FAM3A: variants seen among roughly 807,000 people sequenced by gnomAD.
FAM3A encodes FAM3 metabolism regulating signaling molecule A.
In FAM3A, 5 loss-of-function variants were observed where a neutral mutation model predicts 18.1. The observed-to-expected ratio is 0.28, with a 90% CI of 0.14 to 0.58. The LOEUF is 0.58. Ranked by LOEUF, FAM3A falls within the 20% of genes least tolerant of loss-of-function variation. The pLI is 0.91. For synonymous variants in FAM3A, 108 were observed against 90.2 expected, an observed-to-expected ratio of 1.20 and a Z score of -1.12; for missense variants, 154 against 216.6, an observed-to-expected ratio of 0.71 and a Z score of 1.81.
chrX:154,506,582 G>GGTCTTCTGAGGCTCTGTCTGCGCTCT lies in FAM3A; in HGVS notation c.*228_*229insAGAGCGCAGACAGAGCCTCAGAAGAC. The GGTCTTCTGAGGCTCTGTCTGCGCTCT allele has an allele frequency of 2.4e-6, 1 of 417,741 alleles. No individual in the cohort carries two copies. Among genetic ancestry groups the GGTCTTCTGAGGCTCTGTCTGCGCTCT allele is most frequent in the Admixed American group, 4.1e-5 (1 of 24,331 alleles). The allele number at this position is 417,741 out of a possible 1,213,427, so 34.4% of individuals were successfully genotyped here. A position where few individuals can be genotyped will look rare whatever the true frequency, so the allele number is the denominator to read the frequency against. On this transcript the variant is annotated 3_prime_UTR_variant, in exon 9 of 9. Transcript: ENST00000447601. ...GGAACAGTGTTACGAAAAGGAGGCGGGTACCCTGGGCTCCCGTGACAAAGT... is the reference window on the plus strand; with the variant it reads ...GGAACAGTGTTACGAAAAGGAGGCGGGTCTTCTGAGGCTCTGTCTGCGCTCTGTACCCTGGGCTCCCGTGACAAAGT...
At position 154,515,933 on chromosome X, in the gene FAM3A, G is replaced by A. The variant is rs1025299321; in HGVS notation, c.-161C>T. 5 of 517,325 alleles carry A rather than the reference G, an allele frequency of 9.7e-6. No individual in the cohort carries two copies. In the South Asian group the frequency reaches 1.2e-4, roughly 12 times the overall value. The allele number at this position is 517,325 out of a possible 1,213,427, so 42.6% of individuals were successfully genotyped here. On this transcript the variant is annotated 5_prime_UTR_variant, in exon 1 of 9. Transcript: ENST00000447601. ...ACCTGTTTGTCCAGCCGCCCGGCCA[G>A]GCAGGGCTCCTCGGAAACGCGCGGG...
Position 154,515,883 on chromosome X carries a change from G to T in FAM3A, c.-111C>A. On this transcript the variant is annotated 5_prime_UTR_variant, in exon 1 of 9. Coordinates refer to ENST00000447601, the MANE Select transcript of FAM3A (RefSeq NM_021806.4). ...GGCAAGCCTGTGCGGGACCCCTGCT[G>T]GGGGCGGGCGCGATCGGTGCTACGA... The T allele has an allele frequency of 1.2e-6, 1 of 825,305 alleles. No homozygotes were observed. Among genetic ancestry groups the T allele is most frequent in the East Asian group, 3.2e-5 (1 of 30,922 alleles). 68.0% of individuals were successfully genotyped at this position (825,305 alleles called of 1,213,427 possible).
chrX:154,507,610 G>C, intron 6 of FAM3A, 120 bp from the exon 7 acceptor site: 1 of 864,838 alleles, frequency 1.2e-6, no homozygotes, highest in Non-Finnish European at 1.6e-6. Flanking sequence ...GCCCCGCCAA[G>C]GGACAGGCTG....
rs782554954 is a variant in FAM3A at position 154,512,199 on chromosome X, T to C, written c.128-328A>G. The C allele has an allele frequency of 9.3e-4, 226 of 243,214 alleles. 2 individuals are homozygous for C. The highest frequency in any genetic ancestry group is 3.1e-3 in the Admixed American group (50 of 16,183). The allele number at this position is 243,214 out of a possible 1,213,427, so 20.0% of individuals were successfully genotyped here. A position where few individuals can be genotyped will look rare whatever the true frequency, so the allele number is the denominator to read the frequency against. ...GAGTTTGAGACCAGCCTGGGCAACA[T>C]GGTGAAACCCCATCTCTACTAAAAA... On this transcript the variant is annotated intron_variant, in intron 2 of 8. Coordinates refer to ENST00000447601, the MANE Select transcript of FAM3A (RefSeq NM_021806.4).
intron 3 of FAM3A, chrX:154,509,164 T>C (rs2069731917): frequency 5.0e-6 from 1 of 199,191 alleles, no homozygotes; most frequent in South Asian, 7.5e-5. Context: ...TAATGCAACA[T>C]GACTGATGTC....
At chrX:154,514,531 G>A (rs2070077929) in intron 1 of FAM3A, among the ~76,000 whole-genome samples, 2 of 111,787 alleles carry the variant, frequency 1.8e-5, no homozygotes, top group Admixed American at 1.9e-4. Flanking sequence ...AGCCTCCCTG[G>A]TAGCTGGGAC....
Position 154,506,665 on chromosome X carries a change from G to T in FAM3A, c.*146C>A, listed in dbSNP as rs2069539952. Reference sequence around the variant, plus strand: ...CCCCACCACCTTGAGACCACGTTCTGGTCACTGCCTCGGAGCCCCGATGTG... The same window carrying T: ...CCCCACCACCTTGAGACCACGTTCTTGTCACTGCCTCGGAGCCCCGATGTG... On this transcript the variant is annotated 3_prime_UTR_variant, in exon 9 of 9. Transcript: ENST00000447601. 1 of 478,971 alleles carries T rather than the reference G, an allele frequency of 2.1e-6. No homozygotes were observed. The allele number at this position is 478,971 out of a possible 1,213,427, so 39.5% of individuals were successfully genotyped here. A position where few individuals can be genotyped will look rare whatever the true frequency, so the allele number is the denominator to read the frequency against.
intron 1 of FAM3A, among the ~76,000 whole-genome samples, chrX:154,514,496 C>T (rs1447951253): frequency 9.1e-6 from 1 of 109,535 alleles, no homozygotes; most frequent in Non-Finnish European, 1.9e-5. Context: ...CTCCGCCTCC[C>T]GGTTACACGC....
intron 1 of FAM3A, among the ~76,000 whole-genome samples, chrX:154,514,159 C>G (rs1348889238): frequency 1.3e-4 from 14 of 111,699 alleles, no homozygotes; most frequent in African/African-American, 3.9e-4. Flanking sequence ...TTAGTTAGAT[C>G]GTCTCCTCTA....
intron 5 of FAM3A, 95 bp downstream of exon 5, chrX:154,508,194 T>G: frequency 1.5e-6 from 1 of 667,076 alleles, no homozygotes; most frequent in Non-Finnish European, 2.2e-6. Flanking sequence ...TGGGAGATCT[T>G]GAATGGGAGG....
intron 1 of FAM3A, among the ~76,000 whole-genome samples, chrX:154,514,972 C>T (rs989013297): frequency 3.6e-5 from 4 of 111,142 alleles, no homozygotes; most frequent in East Asian, 2.9e-4. Context: ...CCCGCCACCA[C>T]GCCAGGCTCA....
At chrX:154,513,353 C>T (rs1309729634) in intron 1 of FAM3A, among the ~76,000 whole-genome samples, 1 of 111,794 alleles carries the variant, frequency 8.9e-6, no homozygotes, top group East Asian at 2.8e-4. Flanking sequence ...CAGTCCCGGC[C>T]GGGCGCAGTG....
At position 154,515,935 on chromosome X, in the gene FAM3A, C is replaced by A; in HGVS notation, c.-163G>T. ...CTGTTTGTCCAGCCGCCCGGCCAGG[C>A]AGGGCTCCTCGGAAACGCGCGGGGA... On this transcript the variant is annotated 5_prime_UTR_variant, in exon 1 of 9. Coordinates refer to ENST00000447601, the MANE Select transcript of FAM3A (RefSeq NM_021806.4). 1 of 509,244 alleles carries A rather than the reference C, an allele frequency of 2.0e-6. No individual in the cohort carries two copies. Among genetic ancestry groups the A allele is most frequent in the Non-Finnish European group, 3.3e-6 (1 of 302,824 alleles). 42.0% of individuals were successfully genotyped at this position (509,244 alleles called of 1,213,427 possible). A position where few individuals can be genotyped will look rare whatever the true frequency, so the allele number is the denominator to read the frequency against.
In FAM3A at chrX:154,506,568, AC is replaced by A. The variant is rs1384058045; in HGVS notation, c.*242del. 2.5e-6 allele frequency: 1 copy of A among 402,976 alleles called. No individual in the cohort carries two copies. The highest frequency in any genetic ancestry group is 4.4e-6 in the Non-Finnish European group (1 of 229,031). 33.2% of individuals were successfully genotyped at this position (402,976 alleles called of 1,213,427 possible). A position where few individuals can be genotyped will look rare whatever the true frequency, so the allele number is the denominator to read the frequency against. On this transcript the variant is annotated 3_prime_UTR_variant, in exon 9 of 9. Coordinates refer to ENST00000447601, the MANE Select transcript of FAM3A (RefSeq NM_021806.4). ...TGGGCTGACCGGGGGGAACAGTGTTACGAAAAGGAGGCGGGTACCCTGGGCT... is the reference window on the plus strand; with the variant it reads ...TGGGCTGACCGGGGGGAACAGTGTTAGAAAAGGAGGCGGGTACCCTGGGCT...
intron 5 of FAM3A, 24 bp from the exon 6 acceptor site, chrX:154,507,885 G>A (rs1557220050): frequency 2.5e-6 from 3 of 1,178,559 alleles, no homozygotes; most frequent in African/African-American, 3.5e-5. Context: ...GAGGGGCCCT[G>A]CTGGGTAAGC....
chrX:154,513,846 A>C (rs2070030369), intron 1 of FAM3A, among the ~76,000 whole-genome samples: 1 of 109,745 alleles, frequency 9.1e-6, no homozygotes, highest in Non-Finnish European at 1.9e-5. Context: ...TCTTTCCCCT[A>C]ACCTTTCTTT....
At chrX:154,507,028 T>C (rs1054811562) in intron 8 of FAM3A, 122 bp from the exon 9 acceptor site, 7 of 892,429 alleles carry the variant, frequency 7.8e-6, no homozygotes, top group South Asian at 4.6e-5. Context: ...CTCAGGGCAC[T>C]TGGCCCCTCC....
intron 4 of FAM3A, 45 bp downstream of exon 4, chrX:154,508,429 A>T: frequency 1.7e-6 from 2 of 1,190,710 alleles, no homozygotes; most frequent in Non-Finnish European, 2.3e-6. Flanking sequence ...CCGGCCCTGG[A>T]TCCCCCACTC....
chrX:154,512,219 T>TA, intron 2 of FAM3A: 1 of 205,267 alleles, frequency 4.9e-6, no homozygotes, highest in Non-Finnish European at 8.2e-6. Context: ...CCATCTCTAC[T>TA]AAAAATACAA....
Sources: gnomAD v4.1 joint callset for allele counts (sites outside exome capture counted in the v4.1 genomes callset) on GRCh38, gnomAD v4.1.1 for gene constraint, MANE v1.5 for transcripts, NCBI Gene and HGNC (gene_info 2026-07-23, HGNC 2026-07-21) for gene names.